Variants in NDUFAF8 observed in about 807,000 individuals in gnomAD.
The protein encoded by NDUFAF8 is NADH:ubiquinone oxidoreductase complex assembly factor 8, also known as NADH dehydrogenase [ubiquinone] 1 alpha subcomplex assembly factor 8.
Under a neutral mutation model 9.9 loss-of-function variants are expected in NDUFAF8, and 9 were observed. The ratio of observed to expected loss-of-function variants is 0.91; its 90% CI spans 0.55 to 1.59. The LOEUF is 1.59. Among genes scored for constraint, NDUFAF8 ranks in the 40% most tolerant of loss-of-function variants. The probability of loss-of-function intolerance (pLI) is 0.00; values close to 1 mark genes in which losing one functional copy is unlikely to be tolerated. For missense variants in NDUFAF8, 114 were observed against 113.8 expected (o/e 1.00, Z -0.01); for synonymous variants, 63 against 51.2 (o/e 1.23, Z -0.98).
In NDUFAF8 at chr17:81,239,505, G is replaced by A. The variant is rs2659009; in HGVS notation, c.84+58G>A. 774,650 of 1,437,382 alleles carry A rather than the reference G, an allele frequency of 0.54. 212,677 individuals carry two copies. Among genetic ancestry groups the A allele is most frequent in the East Asian group, 0.81 (28,407 of 34,880 alleles). The allele number at this position is 1,437,382 out of a possible 1,614,324, so 89.0% of individuals were successfully genotyped here. A position where few individuals can be genotyped will look rare whatever the true frequency, so the allele number is the denominator to read the frequency against. ...GCAGGAGGAGCCGCGCGGGGAGGTG[G>A]CTGGGAGGGAGGACGGTGACGGGGT... On this transcript the variant is annotated intron_variant, in intron 1 of 2. Transcript: ENST00000431388.
Position 81,239,686 on chromosome 17 carries a change from G to T in NDUFAF8, c.195+8G>T. The T allele has an allele frequency of 6.5e-7, 1 of 1,537,156 alleles. No individual in the cohort carries two copies. Among genetic ancestry groups the T allele is most frequent in the Non-Finnish European group, 8.7e-7 (1 of 1,146,020 alleles). ...AGCTGCTTCGCCGCTGCGGTAGGTG[G>T]GCGCGGGCCCCTTCCCCCCTTCCCA... On this transcript the variant is annotated splice_region_variant and intron_variant, in intron 2 of 2. Transcript: ENST00000431388.
intron 2 of NDUFAF8, among the ~76,000 whole-genome samples, chr17:81,240,744 C>T (rs1820726277): frequency 6.6e-6 from 1 of 151,448 alleles, no homozygotes; most frequent in Non-Finnish European, 1.5e-5. Context: ...CTCGTGGGGG[C>T]TCAGAGGAGG....
Position 81,241,047 on chromosome 17 carries a change from G to C in NDUFAF8, c.*31G>C. 3.7e-6 allele frequency: 6 copies of C among 1,611,404 alleles called. No individual in the cohort carries two copies. The highest frequency in any genetic ancestry group is 5.1e-6 in the Non-Finnish European group (6 of 1,178,860). On this transcript the variant is annotated 3_prime_UTR_variant, in exon 3 of 3. Transcript: ENST00000431388. Reference sequence around the variant, plus strand: ...ACTCTGAGCTTCACACCTGTCTGCTGCCATGGGTGCAGAGCCCTAGTCCTG... The same window carrying C: ...ACTCTGAGCTTCACACCTGTCTGCTCCCATGGGTGCAGAGCCCTAGTCCTG...
chr17:81,239,361 C>T lies in NDUFAF8; in HGVS notation c.-3C>T, dbSNP rs371087327. 88 of 1,365,378 alleles carry T rather than the reference C, an allele frequency of 6.4e-5. No individual in the cohort carries two copies. Among genetic ancestry groups the T allele is most frequent in the Non-Finnish European group, 8.1e-5 (86 of 1,058,480 alleles). 84.6% of individuals were successfully genotyped at this position (1,365,378 alleles called of 1,614,324 possible). A position where few individuals can be genotyped will look rare whatever the true frequency, so the allele number is the denominator to read the frequency against. Reference sequence around the variant, plus strand: ...GCCTCCAGGGGGCTGGGAATAGCCGCTCATGTCGGCTAACGGAGCGGTGTG... The same window carrying T: ...GCCTCCAGGGGGCTGGGAATAGCCGTTCATGTCGGCTAACGGAGCGGTGTG... On this transcript the variant is annotated 5_prime_UTR_variant, in exon 1 of 3. Transcript: ENST00000431388.
At position 81,241,214 on chromosome 17, in the gene NDUFAF8, G is replaced by C; in HGVS notation, c.*198G>C. On this transcript the variant is annotated 3_prime_UTR_variant, in exon 3 of 3. Coordinates refer to ENST00000431388, the MANE Select transcript of NDUFAF8 (RefSeq NM_001086521.2). ...GAGCAGGAATTGGTTTTCCAGCATT[G>C]TGTCCGTAAACCTGAGTTAGAATAA... 1 of 1,371,482 alleles carries C rather than the reference G, an allele frequency of 7.3e-7. No individual in the cohort carries two copies. The highest frequency in any genetic ancestry group is 1.7e-5 in the South Asian group (1 of 57,368). The allele number at this position is 1,371,482 out of a possible 1,614,324, so 85.0% of individuals were successfully genotyped here.
In NDUFAF8 at chr17:81,241,131, G is replaced by C. The variant is rs1207845268; in HGVS notation, c.*115G>C. 2.8e-6 allele frequency: 4 copies of C among 1,450,802 alleles called. No homozygotes were observed. Among genetic ancestry groups the C allele is most frequent in the African/African-American group, 1.4e-5 (1 of 70,100 alleles). The allele number at this position is 1,450,802 out of a possible 1,614,324, so 89.9% of individuals were successfully genotyped here. A position where few individuals can be genotyped will look rare whatever the true frequency, so the allele number is the denominator to read the frequency against. ...GCAGAAAGGAAGTGGGAATGGCGAAGATGTGACATTCCTCGGTGTTAGATC... is the reference window on the plus strand; with the variant it reads ...GCAGAAAGGAAGTGGGAATGGCGAACATGTGACATTCCTCGGTGTTAGATC... On this transcript the variant is annotated 3_prime_UTR_variant, in exon 3 of 3. Coordinates refer to ENST00000431388, the MANE Select transcript of NDUFAF8 (RefSeq NM_001086521.2).
intron 2 of NDUFAF8, 157 bp downstream of exon 2, chr17:81,239,835 C>A (rs910903491): frequency 1.6e-5 from 13 of 807,858 alleles, no homozygotes; most frequent in Middle Eastern, 3.4e-4. Context: ...TCGACGAGCC[C>A]GCGAAACCTC....
intron 2 of NDUFAF8, chr17:81,240,109 A>G: frequency 4.8e-6 from 1 of 209,578 alleles, no homozygotes; most frequent in Non-Finnish European, 9.9e-6. Flanking sequence ...CCTGCGGGGA[A>G]CCCCCAGCCA....
intron 2 of NDUFAF8, chr17:81,240,142 G>T (rs1297491376): frequency 4.9e-6 from 1 of 202,204 alleles, no homozygotes; most frequent in Non-Finnish European, 1.0e-5. Context: ...GCACGATAGG[G>T]CTTCTTGCCC....
At position 81,241,303 on chromosome 17, in the gene NDUFAF8, G is replaced by C. The variant is rs1036409363; in HGVS notation, c.*287G>C. ...TGCAGCCTGGGGCTTACTGTGTGCAGACTGCAACATGTGGGTCTTGGCCTC... is the reference window on the plus strand; with the variant it reads ...TGCAGCCTGGGGCTTACTGTGTGCACACTGCAACATGTGGGTCTTGGCCTC... On this transcript the variant is annotated 3_prime_UTR_variant, in exon 3 of 3. Transcript: ENST00000431388. The C allele has an allele frequency of 2.5e-5, 19 of 750,154 alleles. No individual in the cohort carries two copies. The highest frequency in any genetic ancestry group is 2.0e-4 in the East Asian group (5 of 24,786). 46.5% of individuals were successfully genotyped at this position (750,154 alleles called of 1,614,324 possible).
chr17:81,239,946 A>G (rs1468535116), intron 2 of NDUFAF8: 2 of 541,050 alleles, frequency 3.7e-6, no homozygotes, highest in Non-Finnish European at 6.6e-6. Flanking sequence ...TAAAACGCGT[A>G]AGCTTTCGTG....
intron 2 of NDUFAF8, chr17:81,239,891 A>T (rs2146862341): frequency 1.6e-6 from 1 of 617,026 alleles, no homozygotes; most frequent in Non-Finnish European, 2.8e-6. Context: ...CGGGACTGGC[A>T]CCAACCTCAG....
intron 2 of NDUFAF8, chr17:81,239,893 C>A: frequency 3.3e-6 from 2 of 614,494 alleles, no homozygotes; most frequent in Non-Finnish European, 5.6e-6. Flanking sequence ...GGACTGGCAC[C>A]AACCTCAGAA....
chr17:81,239,784 G>A (rs2062796271), intron 2 of NDUFAF8, 106 bp downstream of exon 2: 2 of 1,234,588 alleles, frequency 1.6e-6, no homozygotes, highest in Non-Finnish European at 2.2e-6. Flanking sequence ...TTGAGCGCCT[G>A]CCGCGTGCTT....
intron 1 of NDUFAF8, 41 bp downstream of exon 1, chr17:81,239,488 A>G: frequency 7.0e-7 from 1 of 1,419,268 alleles, no homozygotes; most frequent in Non-Finnish European, 9.2e-7. Flanking sequence ...GGGCAGGAGG[A>G]GCCGCGCGGG....
chr17:81,240,146 C>T lies in NDUFAF8; in HGVS notation c.195+468C>T, dbSNP rs574221919. 40 of 200,302 alleles carry T rather than the reference C, an allele frequency of 2.0e-4. 1 individual carries two copies. In the East Asian group the frequency reaches 7.1e-3, roughly 36 times the overall value. 12.4% of individuals were successfully genotyped at this position (200,302 alleles called of 1,614,324 possible). A position where few individuals can be genotyped will look rare whatever the true frequency, so the allele number is the denominator to read the frequency against. ...CCTCACAACTGGCACGATAGGGCTT[C>T]TTGCCCGTGGGGCTTTAAGTCATTC... On this transcript the variant is annotated intron_variant, in intron 2 of 2. Coordinates refer to ENST00000431388, the MANE Select transcript of NDUFAF8 (RefSeq NM_001086521.2).
Position 81,241,171 on chromosome 17 carries a change from C to T in NDUFAF8, c.*155C>T. The T allele has an allele frequency of 7.1e-7, 1 of 1,401,394 alleles. No homozygotes were observed. The highest frequency in any genetic ancestry group is 9.3e-7 in the Non-Finnish European group (1 of 1,072,486). The allele number at this position is 1,401,394 out of a possible 1,614,324, so 86.8% of individuals were successfully genotyped here. On this transcript the variant is annotated 3_prime_UTR_variant, in exon 3 of 3. Coordinates refer to ENST00000431388, the MANE Select transcript of NDUFAF8 (RefSeq NM_001086521.2). The stretch of plus-strand genomic sequence containing the variant: ...GGTGTTAGATCCTGTTTTTTCTTAA[C>T]AAGTTGAGGCGTGGGTAGAGCAGGA...
chr17:81,241,076 G>A lies in NDUFAF8; in HGVS notation c.*60G>A. On this transcript the variant is annotated 3_prime_UTR_variant, in exon 3 of 3. Transcript: ENST00000431388. Reference sequence around the variant, plus strand: ...TGGGTGCAGAGCCCTAGTCCTGATGGCCCCTGGTGGCACATATCGAATGCC... The same window carrying A: ...TGGGTGCAGAGCCCTAGTCCTGATGACCCCTGGTGGCACATATCGAATGCC... 1 of 1,571,446 alleles carries A rather than the reference G, an allele frequency of 6.4e-7. No homozygotes were observed. Among genetic ancestry groups the A allele is most frequent in the South Asian group, 1.2e-5 (1 of 86,014 alleles).
At position 81,241,273 on chromosome 17, in the gene NDUFAF8, A is replaced by T. The variant is rs2062815551; in HGVS notation, c.*257A>T. ...GGAAGCCACGATAAAGACTCGGTCAAATCCTGCAGCCTGGGGCTTACTGTG... is the reference window on the plus strand; with the variant it reads ...GGAAGCCACGATAAAGACTCGGTCATATCCTGCAGCCTGGGGCTTACTGTG... On this transcript the variant is annotated 3_prime_UTR_variant, in exon 3 of 3. Transcript: ENST00000431388. 1.4e-5 allele frequency: 15 copies of T among 1,105,994 alleles called. No individual in the cohort carries two copies. The South Asian group carries it at 3.2e-4, about 23-fold the overall frequency. The allele number at this position is 1,105,994 out of a possible 1,614,324, so 68.5% of individuals were successfully genotyped here.
Sources: allele counts gnomAD v4.1 joint callset (sites outside exome capture counted in the v4.1 genomes callset), GRCh38; gene constraint gnomAD v4.1.1; transcripts MANE v1.5; gene names NCBI Gene and HGNC (gene_info 2026-07-23, HGNC 2026-07-21).